Variants in PROS1 observed in about 807,000 individuals in gnomAD.
The protein encoded by PROS1 is vitamin K-dependent protein S.
Under a neutral mutation model 75.9 loss-of-function variants are expected in PROS1, and 29 were observed. That is an observed-to-expected ratio of 0.38 (90% CI 0.28 to 0.52). PROS1 has a LOEUF of 0.52. PROS1 is among the 20% of genes least tolerant of loss of function. The pLI, the probability that PROS1 is intolerant of heterozygous loss-of-function variation, is 0.83. For missense variants in PROS1, 680 were observed against 810.3 expected, an observed-to-expected ratio of 0.84 and a Z score of 1.95; for synonymous variants, 245 against 280.6, an observed-to-expected ratio of 0.87 and a Z score of 1.27.
intron 1 of PROS1, among the ~76,000 whole-genome samples, chr3:93,941,258 C>A (rs1559945685): frequency 6.6e-6 from 1 of 152,148 alleles, no homozygotes. Context: ...AAAAGACACC[C>A]TCCTGCTCCT....
chr3:93,956,063 C>T (rs1194998702), intron 1 of PROS1, among the ~76,000 whole-genome samples: 1 of 151,996 alleles, frequency 6.6e-6, no homozygotes, highest in Non-Finnish European at 1.5e-5. Flanking sequence ...AAGTTTCCAT[C>T]CATGATAGTA....
intron 3 of PROS1, among the ~76,000 whole-genome samples, chr3:93,917,707 G>A (rs1339108781): frequency 6.6e-6 from 1 of 152,152 alleles, no homozygotes; most frequent in African/African-American, 2.4e-5. Context: ...GCCAGCAGGG[G>A]CAATGAGGGG....
At chr3:93,960,253 T>C (rs183071536) in intron 1 of PROS1, among the ~76,000 whole-genome samples, 210 of 151,496 alleles carry the variant, frequency 1.4e-3, no homozygotes, top group African/African-American at 5.0e-3. Context: ...CTTAGCTCAC[T>C]GCAAGCTCAG....
At position 93,965,189 on chromosome 3, in the gene PROS1, C is replaced by A. The variant is rs142969009; in HGVS notation, c.76+8485G>T. ...TCCCTTTGTATGGGAGCTCTGTTTT[C>A]ACTCTATTTCACAATATTAAATCTT... On this transcript the variant is annotated intron_variant, in intron 1 of 14. Transcript: ENST00000394236. Among the ~76,000 whole-genome samples the A allele has an allele frequency of 3.1e-3, 471 of 152,314 alleles. 5 individuals carry two copies. Among genetic ancestry groups the A allele is most frequent in the Middle Eastern group, 6.8e-3 (2 of 292 alleles).
chr3:93,889,992 C>G (rs1424315816), intron 10 of PROS1, among the ~76,000 whole-genome samples: 2 of 152,088 alleles, frequency 1.3e-5, no homozygotes, highest in African/African-American at 2.4e-5. Context: ...ACAAACGGAC[C>G]TGCAAGTAGG....
chr3:93,913,106 T>C (rs137920921), intron 3 of PROS1, among the ~76,000 whole-genome samples: 2,579 of 152,274 alleles, frequency 0.017, 45 homozygotes, highest in South Asian at 0.044. Context: ...AGGGGGGCGA[T>C]TTTCCCCATG....
At chr3:93,947,593 G>T (rs1358640820) in intron 1 of PROS1, among the ~76,000 whole-genome samples, 2 of 151,800 alleles carry the variant, frequency 1.3e-5, no homozygotes, top group African/African-American at 4.8e-5. Context: ...TTCTGAGACA[G>T]TCTCGCTCTG....
rs58358280 is a variant in PROS1 at position 93,956,589 on chromosome 3, C to CACAT, written c.76+17084_76+17085insATGT. 2.0e-4 allele frequency among the ~76,000 whole-genome samples: 29 copies of CACAT among 147,532 alleles called. 1 individual carries two copies. The highest frequency in any genetic ancestry group is 4.4e-4 in the Non-Finnish European group (29 of 66,418). On this transcript the variant is annotated intron_variant, in intron 1 of 14. Coordinates refer to ENST00000394236, the MANE Select transcript of PROS1 (RefSeq NM_000313.4). Reference sequence around the variant, plus strand: ...ACACACACACACACACACACACACACGTTATCAGAATTCTTTCAAGCCTCA... The same window carrying CACAT: ...ACACACACACACACACACACACACACACATGTTATCAGAATTCTTTCAAGCCTCA...
chr3:93,970,649 A>C (rs1709865007), intron 1 of PROS1, among the ~76,000 whole-genome samples: 1 of 152,022 alleles, frequency 6.6e-6, no homozygotes, highest in Non-Finnish European at 1.5e-5. Context: ...GGGTGACAGT[A>C]TATATGTTAA....
intron 3 of PROS1, among the ~76,000 whole-genome samples, chr3:93,914,264 A>C (rs1287223511): frequency 1.3e-5 from 2 of 152,236 alleles, no homozygotes; most frequent in African/African-American, 4.8e-5. Flanking sequence ...TGCTGTAACA[A>C]GTCTTTGCCT....
intron 4 of PROS1, among the ~76,000 whole-genome samples, chr3:93,906,589 G>A (rs187729195): frequency 1.3e-5 from 2 of 152,240 alleles, no homozygotes; most frequent in African/African-American, 2.4e-5. Context: ...AGGGCTGCAC[G>A]TGCCATGGAG....
chr3:93,967,013 G>A (rs1032920865), intron 1 of PROS1, among the ~76,000 whole-genome samples: 3 of 152,052 alleles, frequency 2.0e-5, no homozygotes, highest in African/African-American at 4.8e-5. Context: ...TATGGCTTTC[G>A]GGTTGCCCCC....
intron 2 of PROS1, among the ~76,000 whole-genome samples, chr3:93,926,034 G>A (rs1222505678): frequency 6.6e-6 from 1 of 151,996 alleles, no homozygotes; most frequent in Non-Finnish European, 1.5e-5. Flanking sequence ...AGGCTAAGCT[G>A]ATAGAATGTA....
chr3:93,920,602 T>C (rs1481258640), intron 3 of PROS1, among the ~76,000 whole-genome samples: 1 of 152,138 alleles, frequency 6.6e-6, no homozygotes, highest in Non-Finnish European at 1.5e-5. Flanking sequence ...TTAAAAGTAA[T>C]GACAGGAATA....
intron 2 of PROS1, among the ~76,000 whole-genome samples, chr3:93,926,725 G>A (rs542964313): frequency 5.9e-5 from 9 of 152,016 alleles, no homozygotes; most frequent in South Asian, 4.2e-4. Flanking sequence ...GCGCGCACAC[G>A]CACACACACA....
chr3:93,956,563 A>AACAAAC (rs1553819529), intron 1 of PROS1, among the ~76,000 whole-genome samples: 3 of 128,306 alleles, frequency 2.3e-5, no homozygotes, highest in African/African-American at 8.6e-5. Context: ...CACACACACA[A>AACAAAC]ACACACACAC....
intron 1 of PROS1, among the ~76,000 whole-genome samples, chr3:93,970,549 C>T (rs73156309): frequency 6.6e-6 from 1 of 151,952 alleles, no homozygotes; most frequent in Non-Finnish European, 1.5e-5. Context: ...CACTATGCTG[C>T]CCAGGCTGGT....
intron 8 of PROS1, 77 bp from the exon 9 acceptor site, chr3:93,896,768 T>C (rs1046052830): frequency 1.8e-6 from 2 of 1,102,546 alleles, no homozygotes; most frequent in African/African-American, 1.5e-5. Flanking sequence ...TGTGAGGTCA[T>C]GCATTTTTGT....
chr3:93,905,940 T>G lies in PROS1; in HGVS notation c.470-25A>C, dbSNP rs370089381. 3.5e-4 allele frequency: 557 copies of G among 1,612,370 alleles called. 2 individuals are homozygous for G. The African/African-American group carries it at 6.5e-3, about 19-fold the overall frequency. ...TCTAAAACAGGAAAAAAATAAATTA[T>G]TTTTAAAGTAATATAACCTGCAGAG... On this transcript the variant is annotated intron_variant, in intron 5 of 14. Transcript: ENST00000394236.
Sources: allele counts gnomAD v4.1 joint callset (sites outside exome capture counted in the v4.1 genomes callset), GRCh38; gene constraint gnomAD v4.1.1; transcripts MANE v1.5; gene names NCBI Gene and HGNC (gene_info 2026-07-23, HGNC 2026-07-21).